Variants in NCLN observed in about 807,000 individuals in gnomAD.
NCLN encodes nicalin, also known as BOS complex subunit NCLN.
NCLN carries 34 observed loss-of-function variants against 69.5 expected under a neutral mutation model. The ratio of observed to expected loss-of-function variants is 0.49; its 90% CI spans 0.37 to 0.65. The LOEUF (loss-of-function observed/expected upper bound fraction) is 0.65. Ranked by LOEUF, NCLN falls within the 30% of genes least tolerant of loss-of-function variation. NCLN has a pLI of 0.00. For missense variants in NCLN, 710 were observed against 804.8 expected, an observed-to-expected ratio of 0.88 and a Z score of 1.42; for synonymous variants, 393 against 358.3, an observed-to-expected ratio of 1.10 and a Z score of -1.09.
chr19:3,195,180 T>C (rs529155014), intron 3 of NCLN, among the ~76,000 whole-genome samples: 1 of 102,624 alleles, frequency 9.7e-6, no homozygotes, highest in East Asian at 1.2e-3. Flanking sequence ...ATACTCCGAC[T>C]TGAAAAAAAA....
At chr19:3,201,713 C>A in intron 6 of NCLN, 87 bp downstream of exon 6, 1 of 1,143,106 alleles carries the variant, frequency 8.7e-7, no homozygotes, top group Non-Finnish European at 1.2e-6. Context: ...GCAGATGTTT[C>A]TCTGGAGCCT....
At chr19:3,198,922 C>T (rs373861622) in intron 5 of NCLN, 25 bp downstream of exon 5, 8 of 1,415,474 alleles carry the variant, frequency 5.7e-6, no homozygotes, top group African/African-American at 1.5e-5. Flanking sequence ...CCCCATTCCC[C>T]CCACCCCACA....
At chr19:3,202,868 T>C (rs1273447857) in intron 6 of NCLN, among the ~76,000 whole-genome samples, 3 of 152,050 alleles carry the variant, frequency 2.0e-5, no homozygotes, top group African/African-American at 2.4e-5. Flanking sequence ...CCTGGGGGCT[T>C]CTTGGCAGCT....
At chr19:3,193,786 A>G (rs566511596) in intron 3 of NCLN, among the ~76,000 whole-genome samples, 16 of 151,998 alleles carry the variant, frequency 1.1e-4, no homozygotes, top group Middle Eastern at 3.4e-3. Context: ...CATTCTCAGC[A>G]TCACATCTCG....
intron 6 of NCLN, among the ~76,000 whole-genome samples, chr19:3,202,334 A>G (rs1916147154): frequency 6.6e-6 from 1 of 152,124 alleles, no homozygotes; most frequent in Admixed American, 6.5e-5. Context: ...TTTTCCCCAG[A>G]TAATGAATGC....
chr19:3,203,810 C>G lies in NCLN; in HGVS notation c.855C>G (p.Thr285=), dbSNP rs1916187227. 2 of 1,613,304 alleles carry G rather than the reference C, an allele frequency of 1.2e-6. No homozygotes were observed. Among genetic ancestry groups the G allele is most frequent in the Non-Finnish European group, 1.7e-6 (2 of 1,179,884 alleles). Residue 285 remains threonine, a synonymous_variant, in exon 7 of 15, where the codon ACC becomes ACG. Coordinates refer to ENST00000246117, the MANE Select transcript of NCLN (RefSeq NM_020170.4). ...SGGGKFNYQG[T]KRWLEDNLDH... ...GAGGCAAGTTTAACTACCAGGGAACCAAGCGCTGGCTGGAAGACAACCTGG... is the reference window on the plus strand; with the variant it reads ...GAGGCAAGTTTAACTACCAGGGAACGAAGCGCTGGCTGGAAGACAACCTGG...
At position 3,207,863 on chromosome 19, in the gene NCLN, G is replaced by T. The variant is rs545141502; in HGVS notation, c.*175G>T. 3.9e-5 allele frequency: 23 copies of T among 590,516 alleles called. No individual in the cohort carries two copies. The highest frequency in any genetic ancestry group is 6.3e-5 in the Non-Finnish European group (21 of 332,730). The allele number at this position is 590,516 out of a possible 1,614,324, so 36.6% of individuals were successfully genotyped here. Reference sequence around the variant, plus strand: ...TTTTTTCTGTTGCTCTCCGAGACTGGGGGGGGATTGTTTCTTCTTTTCCTT... The same window carrying T: ...TTTTTTCTGTTGCTCTCCGAGACTGTGGGGGGATTGTTTCTTCTTTTCCTT... On this transcript the variant is annotated 3_prime_UTR_variant, in exon 15 of 15. Transcript: ENST00000246117.
At chr19:3,201,161 G>A (rs1293616449) in intron 5 of NCLN, among the ~76,000 whole-genome samples, 3 of 152,236 alleles carry the variant, frequency 2.0e-5, no homozygotes, top group Admixed American at 2.0e-4. Flanking sequence ...CTGGACAGAT[G>A]CTGCCCTCTG....
At position 3,199,333 on chromosome 19, in the gene NCLN, C is replaced by T. The variant is rs981170212; in HGVS notation, c.696+436C>T. On this transcript the variant is annotated intron_variant, in intron 5 of 14. Transcript: ENST00000246117. ...TTCCAGGCCCTCTCCCTGTGTGTCACGTGGAACACGCCTCATTGTCAGCAG... is the reference window on the plus strand; with the variant it reads ...TTCCAGGCCCTCTCCCTGTGTGTCATGTGGAACACGCCTCATTGTCAGCAG... 2.0e-5 allele frequency among the ~76,000 whole-genome samples: 3 copies of T among 152,248 alleles called. No individual in the cohort carries two copies. The South Asian group carries it at 6.2e-4, about 31-fold the overall frequency.
At chr19:3,192,423 G>A (rs1006781101) in intron 1 of NCLN, 47 bp from the exon 2 acceptor site, 16 of 1,497,484 alleles carry the variant, frequency 1.1e-5, no homozygotes, top group East Asian at 2.6e-5. Context: ...CCCTCCCGTC[G>A]GCCTGGCCAC....
Position 3,204,689 on chromosome 19 carries a change from C to T in NCLN, c.1146C>T (p.Ala382=), listed in dbSNP as rs1916218801. Residue 382 remains alanine, a synonymous_variant, in exon 9 of 15, where the codon GCC becomes GCT. Transcript: ENST00000246117. The part of the protein sequence containing the change: ...HERFAIRRLP[A]FTLSHLESHR... Reference sequence around the variant, plus strand: ...GCTTCGCCATCCGCCGACTGCCCGCCTTCACGCTGTCCCACCTGGAGAGCC... The same window carrying T: ...GCTTCGCCATCCGCCGACTGCCCGCTTTCACGCTGTCCCACCTGGAGAGCC... 4 of 1,606,984 alleles carry T rather than the reference C, an allele frequency of 2.5e-6. No individual in the cohort carries two copies. The South Asian group carries it at 4.4e-5, about 18-fold the overall frequency.
In NCLN at chr19:3,186,087, G is replaced by T. The variant is rs11551095; in HGVS notation, c.57G>T (p.Pro19=). 0.53 allele frequency: 850,468 copies of T among 1,598,036 alleles called. 228,002 individuals are homozygous for T. The highest frequency in any genetic ancestry group is 0.63 in the Middle Eastern group (3,704 of 5,854). Residue 19 remains proline, a synonymous_variant, in exon 1 of 15, where the codon CCG becomes CCT. Transcript: ENST00000246117. Reference sequence around the variant, plus strand: ...ACATGCTGAAGGCGTCTTGTCTGCCGCTCGGCTTCATCGTCTTCCTGCCCG... The same window carrying T: ...ACATGCTGAAGGCGTCTTGTCTGCCTCTCGGCTTCATCGTCTTCCTGCCCG... ...LENMLKASCL[P]LGFIVFLPAV...
intron 8 of NCLN, among the ~76,000 whole-genome samples, 188 bp downstream of exon 8, chr19:3,204,332 G>A (rs976151877): frequency 6.6e-6 from 1 of 152,040 alleles, no homozygotes; most frequent in Non-Finnish European, 1.5e-5. Context: ...GGGCTCTGAG[G>A]GGCACACTGC....
Position 3,186,130 on chromosome 19 carries a change from G to T in NCLN, c.100G>T (p.Ala34Ser). The T allele has an allele frequency of 6.3e-7, 1 of 1,596,920 alleles. No homozygotes were observed. ...VFLPAVLLLV[A>S]PPLPAADAAH... is the part of the protein sequence containing the mutation. ...CCTGCCCGCTGTGCTGCTGCTGGTG[G>T]CGCCGCCGCTGCCTGCCGCCGACGC... Residue 34 changes from alanine (A) to serine (S), a missense_variant, in exon 1 of 15, where the codon GCG becomes TCG. Coordinates refer to ENST00000246117, the MANE Select transcript of NCLN (RefSeq NM_020170.4).
chr19:3,185,949 A>C lies in NCLN; in HGVS notation c.-82A>C. On this transcript the variant is annotated 5_prime_UTR_variant, in exon 1 of 15. An upstream start codon of the reference 5' UTR is lost. Transcript: ENST00000246117. Reference sequence around the variant, plus strand: ...GCCCGCAGGACCCCGGCGGCTACCCATGCCGAGGTGAGTCCGCGGGAGCCG... The same window carrying C: ...GCCCGCAGGACCCCGGCGGCTACCCCTGCCGAGGTGAGTCCGCGGGAGCCG... 3.5e-6 allele frequency: 4 copies of C among 1,155,180 alleles called. No homozygotes were observed. Among genetic ancestry groups the C allele is most frequent in the East Asian group, 3.5e-5 (1 of 28,714 alleles). The allele number at this position is 1,155,180 out of a possible 1,614,324, so 71.6% of individuals were successfully genotyped here.
rs149150446 is a variant in NCLN at position 3,204,723 on chromosome 19, G to A, written c.1180G>A (p.Gly394Ser). ...GTCCCACCTGGAGAGCCACCGTGAC[G>A]GCCAGCGCAGCAGCATCATGGACGT... ...TLSHLESHRD[G>S]QRSSIMDVRS... The change falls in exon 9 of 15, where the codon GGC becomes AGC. Residue 394 changes from glycine to serine, a missense_variant. Coordinates refer to ENST00000246117, the MANE Select transcript of NCLN (RefSeq NM_020170.4). The A allele has an allele frequency of 1.5e-4, 242 of 1,573,268 alleles. No individual in the cohort carries two copies. The highest frequency in any genetic ancestry group is 2.0e-4 in the Non-Finnish European group (232 of 1,158,748).
chr19:3,190,821 A>G (rs1158225281), intron 1 of NCLN, among the ~76,000 whole-genome samples: 1 of 151,734 alleles, frequency 6.6e-6, no homozygotes, highest in African/African-American at 2.4e-5. Flanking sequence ...TGGCTTGTGC[A>G]GCGCTGAGAT....
chr19:3,206,513 G>A, intron 12 of NCLN, 88 bp downstream of exon 12: 1 of 1,431,076 alleles, frequency 7.0e-7, no homozygotes. Flanking sequence ...TCACCCCTGG[G>A]GGATGCCAGG....
In NCLN at chr19:3,186,087, G is replaced by C. The variant is rs11551095; in HGVS notation, c.57G>C (p.Pro19=). ...ACATGCTGAAGGCGTCTTGTCTGCC[G>C]CTCGGCTTCATCGTCTTCCTGCCCG... is the stretch of plus-strand genomic sequence containing the variant. ...LENMLKASCL[P]LGFIVFLPAV... Residue 19 remains proline, a synonymous_variant, in exon 1 of 15, where the codon CCG becomes CCC. Coordinates refer to ENST00000246117, the MANE Select transcript of NCLN (RefSeq NM_020170.4). 6.3e-7 allele frequency: 1 copy of C among 1,598,554 alleles called. No individual in the cohort carries two copies. Among genetic ancestry groups the C allele is most frequent in the Non-Finnish European group, 8.5e-7 (1 of 1,174,438 alleles).
Sources: gnomAD v4.1 joint callset for allele counts (sites outside exome capture counted in the v4.1 genomes callset) on GRCh38, gnomAD v4.1.1 for gene constraint, MANE v1.5 for transcripts, NCBI Gene and HGNC (gene_info 2026-07-23, HGNC 2026-07-21) for gene names.